Variants in RNF169 observed in about 807,000 individuals in gnomAD.
RNF169 encodes the protein E3 ubiquitin-protein ligase RNF169.
RNF169 carries 24 observed loss-of-function variants against 53.9 expected under a neutral mutation model. That is an observed-to-expected ratio of 0.45 (90% CI 0.32 to 0.63). The LOEUF (loss-of-function observed/expected upper bound fraction) is 0.63. Ranked by LOEUF, RNF169 falls within the 20% of genes least tolerant of loss-of-function variation. RNF169 has a pLI of 0.04. For missense variants in RNF169, 883 were observed against 906.2 expected (o/e 0.97, Z 0.33); for synonymous variants, 396 against 363.5 (o/e 1.09, Z -1.02).
At chr11:74,831,376 G>C (rs974801401) in intron 4 of RNF169, 5 of 152,304 alleles carry the variant, frequency 3.3e-5, no homozygotes, top group African/African-American at 1.2e-4. Flanking sequence ...AGGTAACTAT[G>C]AAAACAATTC....
intron 1 of RNF169, among the ~76,000 whole-genome samples, chr11:74,772,732 A>T (rs915049536): frequency 6.6e-6 from 1 of 152,198 alleles, no homozygotes; most frequent in African/African-American, 2.4e-5. Context: ...ATATTGTTTC[A>T]TAGTGATATT....
chr11:74,782,215 G>A (rs1490643758), intron 1 of RNF169, among the ~76,000 whole-genome samples: 2 of 152,262 alleles, frequency 1.3e-5, no homozygotes, highest in Non-Finnish European at 1.5e-5. Context: ...GAAATAGCAT[G>A]GTTTAGGGCA....
At chr11:74,752,389 G>T (rs1477235995) in intron 1 of RNF169, among the ~76,000 whole-genome samples, 1 of 152,070 alleles carries the variant, frequency 6.6e-6, no homozygotes, top group East Asian at 1.9e-4. Flanking sequence ...TTGAGGTCAG[G>T]AGTTCAAGAC....
chr11:74,806,515 C>T (rs1296269282), intron 2 of RNF169, among the ~76,000 whole-genome samples: 3 of 152,168 alleles, frequency 2.0e-5, no homozygotes, highest in African/African-American at 7.2e-5. Context: ...ATTTTTGGCA[C>T]TCAATTTATA....
intron 5 of RNF169, among the ~76,000 whole-genome samples, chr11:74,835,053 GCTCACTGAAGC>G (rs1461348811): frequency 6.6e-6 from 1 of 152,138 alleles, no homozygotes; most frequent in Non-Finnish European, 1.5e-5. Context: ...TGCAACCATA[GCTCACTGAAGC>G]CTCAGACTCC....
rs186575608 is a variant in RNF169, at chr11:74,770,956, C to T, written c.503-18670C>T. 1.9e-4 allele frequency among the ~76,000 whole-genome samples: 29 copies of T among 152,206 alleles called. No homozygotes were observed. In the East Asian group the frequency reaches 5.6e-3, roughly 29 times the overall value. On this transcript the variant is annotated intron_variant, in intron 1 of 5. Transcript: ENST00000299563. Reference sequence around the variant, plus strand: ...GAGTAGCTGGGATTACAGGCCAGTGCCCCCATGTCTGGCTAATTTTTTTTA... The same window carrying T: ...GAGTAGCTGGGATTACAGGCCAGTGTCCCCATGTCTGGCTAATTTTTTTTA...
Position 74,748,922 on chromosome 11 carries a change from G to A in RNF169, c.42G>A (p.Ala14=), listed in dbSNP as rs920152386. Residue 14 remains alanine, a synonymous_variant, in exon 1 of 6, where the codon GCG becomes GCA. Coordinates refer to ENST00000299563, the MANE Select transcript of RNF169 (RefSeq NM_001098638.2). ...CGAGTACTCGGGCCTCTTCCGCGGC[G>A]GCAGCAGCCGCTCTGAGTCGGCGGG... The part of the protein sequence containing the change: ...AGPSTRASSA[A]AAAALSRRGR... 5 of 1,448,324 alleles carry A rather than the reference G, an allele frequency of 3.5e-6. No homozygotes were observed. Among genetic ancestry groups the A allele is most frequent in the East Asian group, 2.9e-5 (1 of 34,374 alleles). The allele number at this position is 1,448,324 out of a possible 1,614,324, so 89.7% of individuals were successfully genotyped here.
In RNF169 at chr11:74,821,514, C is replaced by T. The variant is rs892005400; in HGVS notation, c.842+3800C>T. Among the ~76,000 whole-genome samples, 12 of 116,606 alleles carry T rather than the reference C, an allele frequency of 1.0e-4. 4 individuals are homozygous for T. The highest frequency in any genetic ancestry group is 1.6e-4 in the Non-Finnish European group (10 of 61,306). The allele number at this position is 116,606 out of a possible 152,430, so 76.5% of individuals were successfully genotyped here. A position where few individuals can be genotyped will look rare whatever the true frequency, so the allele number is the denominator to read the frequency against. On this transcript the variant is annotated intron_variant, in intron 4 of 5. Transcript: ENST00000299563. ...TCTACTAAAAATACAAAAAATTAGCCGGGCGTAGTGGCGGGCGCCTGTAGT... is the reference window on the plus strand; with the variant it reads ...TCTACTAAAAATACAAAAAATTAGCTGGGCGTAGTGGCGGGCGCCTGTAGT...
intron 1 of RNF169, among the ~76,000 whole-genome samples, chr11:74,762,589 G>A (rs540403538): frequency 8.5e-5 from 13 of 152,172 alleles, no homozygotes; most frequent in Non-Finnish European, 1.8e-4. Context: ...CGTCGCTCAC[G>A]CTGGGAGCTG....
At chr11:74,780,884 CTG>C (rs2035407462) in intron 1 of RNF169, among the ~76,000 whole-genome samples, 2 of 152,168 alleles carry the variant, frequency 1.3e-5, no homozygotes, top group South Asian at 4.1e-4. Flanking sequence ...CTTCATGAGA[CTG>C]AGGATACAAA....
At chr11:74,801,213 A>C (rs1279514561) in intron 2 of RNF169, among the ~76,000 whole-genome samples, 2 of 152,218 alleles carry the variant, frequency 1.3e-5, no homozygotes. Flanking sequence ...GTGGTTTATC[A>C]AGTAAAAGTT....
intron 4 of RNF169, among the ~76,000 whole-genome samples, chr11:74,824,053 A>G (rs888035596): frequency 2.0e-5 from 3 of 152,162 alleles, no homozygotes; most frequent in Admixed American, 2.0e-4. Flanking sequence ...AAAGAAACTG[A>G]TAGAAACTGT....
chr11:74,826,099 G>A (rs1189782673), intron 4 of RNF169, among the ~76,000 whole-genome samples: 1 of 152,164 alleles, frequency 6.6e-6, no homozygotes, highest in African/African-American at 2.4e-5. Context: ...GCTGAGGTGG[G>A]TGGATTACTT....
intron 2 of RNF169, among the ~76,000 whole-genome samples, chr11:74,808,424 C>G (rs553662223): frequency 6.6e-6 from 1 of 152,246 alleles, no homozygotes; most frequent in South Asian, 2.1e-4. Context: ...CACACAGACT[C>G]CACTTCCCCA....
intron 1 of RNF169, among the ~76,000 whole-genome samples, chr11:74,760,613 G>T (rs2035066114): frequency 6.6e-6 from 1 of 151,252 alleles, no homozygotes; most frequent in Non-Finnish European, 1.5e-5. Context: ...CCATGTAGTT[G>T]AGCGGCTTTG....
chr11:74,786,249 T>TA (rs913821755), intron 1 of RNF169, among the ~76,000 whole-genome samples: 2 of 151,090 alleles, frequency 1.3e-5, no homozygotes, highest in Non-Finnish European at 3.0e-5. Context: ...TGTTTCTTTT[T>TA]TTTTTTTTTT....
At chr11:74,786,635 A>T (rs1252304702) in intron 1 of RNF169, among the ~76,000 whole-genome samples, 1 of 152,174 alleles carries the variant, frequency 6.6e-6, no homozygotes, top group African/African-American at 2.4e-5. Context: ...ATGCTGTCCC[A>T]CCAGTACCAG....
In RNF169 at chr11:74,840,205, G is replaced by C. The variant is rs940293721; in HGVS notation, c.*3475G>C. 2.6e-5 allele frequency: 4 copies of C among 152,166 alleles called. No individual in the cohort carries two copies. Among genetic ancestry groups the C allele is most frequent in the African/African-American group, 9.7e-5 (4 of 41,434 alleles). 9.4% of individuals were successfully genotyped at this position (152,166 alleles called of 1,614,324 possible). ...AGCTTCAGACTTGAGCCAACCCTGA[G>C]CTGGACTGTGGAGATAAAGCAGTTC... On this transcript the variant is annotated 3_prime_UTR_variant, in exon 6 of 6. Transcript: ENST00000299563.
At position 74,835,423 on chromosome 11, in the gene RNF169, A is replaced by G. The variant is rs554747832; in HGVS notation, c.943-123A>G. ...GGGATTTTCTCCATTTCTTAGGCTC[A>G]CATTACCCTTCATCCCTTTTCTTGT... On this transcript the variant is annotated intron_variant, in intron 5 of 5. Coordinates refer to ENST00000299563, the MANE Select transcript of RNF169 (RefSeq NM_001098638.2). 9 of 705,208 alleles carry G rather than the reference A, an allele frequency of 1.3e-5. No individual in the cohort carries two copies. In the South Asian group the frequency reaches 1.7e-4, roughly 13 times the overall value. 43.7% of individuals were successfully genotyped at this position (705,208 alleles called of 1,614,324 possible). A position where few individuals can be genotyped will look rare whatever the true frequency, so the allele number is the denominator to read the frequency against.
Sources: allele counts gnomAD v4.1 joint callset (sites outside exome capture counted in the v4.1 genomes callset), GRCh38; gene constraint gnomAD v4.1.1; transcripts MANE v1.5; gene names NCBI Gene and HGNC (gene_info 2026-07-23, HGNC 2026-07-21).